Variants in DOCK4 observed in about 807,000 individuals in gnomAD.
The protein encoded by DOCK4 is dedicator of cytokinesis 4.
In DOCK4, 97 loss-of-function variants were observed where a neutral mutation model predicts 268.1. The observed-to-expected ratio is 0.36, with a 90% confidence interval of 0.31 to 0.43. DOCK4 has a LOEUF of 0.43. DOCK4 is among the 20% of genes least tolerant of loss of function. The pLI is 1.00. For missense variants in DOCK4, 2,145 were observed against 2,455.7 expected (o/e 0.87, Z 2.67); for synonymous variants, 954 against 887.2 (o/e 1.08, Z -1.34).
chr7:112,196,970 T>A (rs138837802), intron 1 of DOCK4, among the ~76,000 whole-genome samples: 1 of 152,140 alleles, frequency 6.6e-6, no homozygotes, highest in Admixed American at 6.5e-5. Context: ...GTATACATTA[T>A]TGTTAACTAT....
At chr7:111,820,157 T>C (rs1801866313) in intron 27 of DOCK4, 1 of 152,180 alleles carries the variant, frequency 6.6e-6, no homozygotes, top group Admixed American at 6.5e-5. Flanking sequence ...ATGACTTGAA[T>C]GGAGGAGAAT....
At chr7:112,072,403 T>G (rs1235186871) in intron 1 of DOCK4, among the ~76,000 whole-genome samples, 1 of 152,228 alleles carries the variant, frequency 6.6e-6, no homozygotes, top group Non-Finnish European at 1.5e-5. Flanking sequence ...TCAGATGTGT[T>G]GTGTAATTTA....
chr7:111,784,356 C>G (rs752567999), intron 32 of DOCK4: 3 of 685,554 alleles, frequency 4.4e-6, no homozygotes, highest in South Asian at 1.5e-5. Flanking sequence ...CAAGATCTTG[C>G]TTTATTCACA....
intron 30 of DOCK4, among the ~76,000 whole-genome samples, chr7:111,790,875 G>C (rs113548346): frequency 0.056 from 8,448 of 151,140 alleles, 748 homozygotes; most frequent in African/African-American, 0.19. Context: ...TGGCTAACAC[G>C]GTGAAACCCC....
chr7:112,027,092 T>C (rs751756825), intron 1 of DOCK4, among the ~76,000 whole-genome samples: 13 of 152,302 alleles, frequency 8.5e-5, no homozygotes, highest in Non-Finnish European at 1.9e-4. Context: ...AATAACATAA[T>C]TCAACCTCAC....
chr7:112,149,180 G>A (rs955543619), intron 1 of DOCK4, among the ~76,000 whole-genome samples: 3 of 152,154 alleles, frequency 2.0e-5, no homozygotes, highest in African/African-American at 7.2e-5. Flanking sequence ...CATAAAAGAT[G>A]GTGCAACTGC....
At chr7:112,134,450 TG>T (rs1814120777) in intron 1 of DOCK4, among the ~76,000 whole-genome samples, 1 of 152,214 alleles carries the variant, frequency 6.6e-6, no homozygotes, top group African/African-American at 2.4e-5. Flanking sequence ...CTGGGCACGG[TG>T]GCTCACGCCT....
At position 111,783,884 on chromosome 7, in the gene DOCK4, C is replaced by T. The variant is rs779725857; in HGVS notation, c.3497G>A (p.Arg1166His). ...SGVSLIATVT[R>H]LMERLLDYRD... ...GTAATCTAACAACCTCTCCATTAGA[C>T]GAGTTACAGTAGCAATTAATGAAAC... Residue 1166 changes from arginine to histidine, a missense_variant, in exon 34 of 53, where the codon CGT (arginine) becomes CAT (histidine). By Grantham distance (29) the Arg-to-His change is conservative. This residue lies in a region of DOCK4 where 1,598 missense variants were observed against 1,986.7 expected (regional missense o/e 0.80). Coordinates refer to ENST00000428084, the MANE Select transcript of DOCK4 (RefSeq NM_001363540.2). 4.4e-6 allele frequency: 7 copies of T among 1,604,166 alleles called. No homozygotes were observed. The highest frequency in any genetic ancestry group is 1.7e-5 in the Admixed American group (1 of 58,868).
At chr7:111,741,014 G>A (rs1171998726) in intron 47 of DOCK4, 80 bp downstream of exon 47, 1 of 1,537,938 alleles carries the variant, frequency 6.5e-7, no homozygotes, top group Non-Finnish European at 8.9e-7. Context: ...CTGTTCATCA[G>A]CACAGCAGAA....
In DOCK4 at chr7:111,868,104, G is replaced by A. The variant is rs1395014676; in HGVS notation, c.2160C>T (p.Ser720=). 3 of 1,612,924 alleles carry A rather than the reference G, an allele frequency of 1.9e-6. No individual in the cohort carries two copies. Among genetic ancestry groups the A allele is most frequent in the Non-Finnish European group, 2.5e-6 (3 of 1,179,466 alleles). The part of the protein sequence containing the change: ...KYIVQSRRLF[S]LATGGQNEEE... ...CTTCGTTTTGCCCACCAGTGGCAAG[G>A]GAAAACAGCCTTCGAGATTGAACTA... The change falls in exon 22 of 53, where the codon TCC becomes TCT. Residue 720 remains serine (S), a synonymous_variant. Coordinates refer to ENST00000428084, the MANE Select transcript of DOCK4 (RefSeq NM_001363540.2).
At chr7:112,014,276 C>T (rs959970060) in intron 1 of DOCK4, among the ~76,000 whole-genome samples, 2 of 152,200 alleles carry the variant, frequency 1.3e-5, no homozygotes, top group Non-Finnish European at 1.5e-5. Context: ...CTTTTATGCG[C>T]ATTTAATCCA....
rs374475209 is a variant in DOCK4 at position 111,732,268 on chromosome 7, C to T, written c.5439G>A (p.Thr1813=). Residue 1813 remains threonine, a synonymous_variant, in exon 52 of 53, where the codon ACG becomes ACA. Transcript: ENST00000428084. ...CGGCAGGCGAGGGGGATACTGATGT[C>T]GTGTGTCTTGCTGGTGAAGCTGTCA... ...PTQTASPARH[T]TSVSPSPAGR... is the part of the protein sequence containing the mutation. 3.3e-4 allele frequency: 538 copies of T among 1,613,960 alleles called. No individual in the cohort carries two copies. The highest frequency in any genetic ancestry group is 4.1e-4 in the Non-Finnish European group (488 of 1,179,884).
At chr7:111,732,125 G>A (rs1467289909) in intron 52 of DOCK4, 101 bp downstream of exon 52, 8 of 1,183,972 alleles carry the variant, frequency 6.8e-6, no homozygotes, top group Middle Eastern at 3.9e-4. Flanking sequence ...TCTTTGCCTG[G>A]TCCCTGCAAA....
chr7:111,752,758 T>C (rs960664645), intron 42 of DOCK4, among the ~76,000 whole-genome samples: 13 of 151,896 alleles, frequency 8.6e-5, no homozygotes, highest in African/African-American at 2.9e-4. Flanking sequence ...GGCTACTTTT[T>C]TGTATTTTTA....
chr7:111,931,761 C>G (rs942279345), intron 12 of DOCK4, among the ~76,000 whole-genome samples: 11 of 152,168 alleles, frequency 7.2e-5, no homozygotes, highest in Admixed American at 1.3e-4. Context: ...AATATTTCAG[C>G]TAGTGGCTTT....
chr7:112,168,538 T>C (rs761073613), intron 1 of DOCK4, among the ~76,000 whole-genome samples: 1 of 152,006 alleles, frequency 6.6e-6, no homozygotes, highest in Non-Finnish European at 1.5e-5. Context: ...GAGACCCCCA[T>C]CTCTACAAAT....
chr7:111,775,213 G>GT (rs1437510726), intron 36 of DOCK4, among the ~76,000 whole-genome samples: 1 of 152,230 alleles, frequency 6.6e-6, no homozygotes, highest in Admixed American at 6.5e-5. Context: ...AATTGAGACA[G>GT]TGGAACCTCA....
In DOCK4 at chr7:111,895,533, T is replaced by C. The variant is rs913887301; in HGVS notation, c.1587+79A>G. 7 of 1,255,322 alleles carry C rather than the reference T, an allele frequency of 5.6e-6. No homozygotes were observed. The Admixed American group carries it at 1.3e-4, about 23-fold the overall frequency. The allele number at this position is 1,255,322 out of a possible 1,614,324, so 77.8% of individuals were successfully genotyped here. ...TATTCATTTCAGTCATTTTTTTCTC[T>C]TTTCAAAATGATAAGATAGTGAGGT... is the stretch of plus-strand genomic sequence containing the variant. On this transcript the variant is annotated intron_variant, in intron 16 of 52. Coordinates refer to ENST00000428084, the MANE Select transcript of DOCK4 (RefSeq NM_001363540.2).
intron 1 of DOCK4, among the ~76,000 whole-genome samples, chr7:112,103,114 A>G (rs1810837210): frequency 6.6e-6 from 1 of 152,248 alleles, no homozygotes; most frequent in East Asian, 1.9e-4. Context: ...CACTTCAAAT[A>G]TCTACAAATA....
Sources: gnomAD v4.1 joint callset for allele counts (sites outside exome capture counted in the v4.1 genomes callset) on GRCh38, gnomAD v4.1.1 for gene constraint, gnomAD v4.1.1 regional missense constraint, MANE v1.5 for transcripts, NCBI Gene and HGNC (gene_info 2026-07-23, HGNC 2026-07-21) for gene names.